SHANK2: variants seen among roughly 807,000 people sequenced by gnomAD.
The protein encoded by SHANK2 is SH3 and multiple ankyrin repeat domains protein 2.
Under a neutral mutation model 133.7 loss-of-function variants are expected in SHANK2, and 43 were observed. That is an observed-to-expected ratio of 0.32 (90% confidence interval 0.25 to 0.41). The LOEUF (loss-of-function observed/expected upper bound fraction) is 0.41, where lower values mean the gene tolerates loss of function less well. Ranked by LOEUF, SHANK2 falls within the 10% of genes least tolerant of loss-of-function variation. SHANK2 has a pLI of 1.00. For synonymous variants in SHANK2, 1,017 were observed against 952.8 expected (o/e 1.07, Z -1.24); for missense variants, 1,994 against 2,235.8 (o/e 0.89, Z 2.18).
chr11:71,126,386 A>T (rs1555102676), intron 3 of SHANK2, among the ~76,000 whole-genome samples: 1 of 152,172 alleles, frequency 6.6e-6, no homozygotes. Flanking sequence ...TCTTTTCCAA[A>T]TATTGCTGCT....
At chr11:70,900,541 C>T (rs1590812305) in intron 10 of SHANK2, among the ~76,000 whole-genome samples, 1 of 152,162 alleles carries the variant, frequency 6.6e-6, no homozygotes, top group Admixed American at 6.5e-5. Flanking sequence ...GCTGAAATAA[C>T]ACGTACGTGG....
At chr11:70,735,321 G>A (rs971851135) in intron 14 of SHANK2, among the ~76,000 whole-genome samples, 12 of 152,204 alleles carry the variant, frequency 7.9e-5, no homozygotes, top group Non-Finnish European at 1.3e-4. Flanking sequence ...CGGGGAGGAG[G>A]GATGTGCAGG....
chr11:70,629,600 C>T (rs2060954936), intron 17 of SHANK2, among the ~76,000 whole-genome samples: 1 of 152,110 alleles, frequency 6.6e-6, no homozygotes, highest in African/African-American at 2.4e-5. Flanking sequence ...CCCCTAAGGG[C>T]CTCCGAACTG....
At chr11:70,564,479 C>T (rs191576322) in intron 17 of SHANK2, among the ~76,000 whole-genome samples, 84 of 152,130 alleles carry the variant, frequency 5.5e-4, no homozygotes, top group African/African-American at 1.7e-3. Context: ...AGGCTGGTCT[C>T]GAACTCCTGA....
chr11:70,950,630 C>G (rs1555086343), intron 10 of SHANK2, among the ~76,000 whole-genome samples: 3 of 151,610 alleles, frequency 2.0e-5, no homozygotes, highest in African/African-American at 7.3e-5. Flanking sequence ...TTTTCTCAGA[C>G]AGGATCTCGC....
At chr11:71,081,420 A>G (rs1363933826) in intron 8 of SHANK2, among the ~76,000 whole-genome samples, 1 of 152,248 alleles carries the variant, frequency 6.6e-6, no homozygotes, top group African/African-American at 2.4e-5. Context: ...GATGACTGGC[A>G]TTCCCACATA....
intron 11 of SHANK2, among the ~76,000 whole-genome samples, chr11:70,821,836 C>T (rs1948530712): frequency 6.6e-6 from 1 of 152,174 alleles, no homozygotes; most frequent in Non-Finnish European, 1.5e-5. Context: ...TAAGAAGGTG[C>T]CTTCCTCCCT....
intron 3 of SHANK2, among the ~76,000 whole-genome samples, chr11:71,126,417 A>G (rs1555102693): frequency 2.0e-5 from 3 of 152,154 alleles, no homozygotes; most frequent in African/African-American, 7.2e-5. Flanking sequence ...GTACCTGGTC[A>G]CTCAAGAGTG....
At chr11:70,701,847 C>T (rs553154363) in intron 14 of SHANK2, among the ~76,000 whole-genome samples, 1 of 152,214 alleles carries the variant, frequency 6.6e-6, no homozygotes, top group South Asian at 2.1e-4. Context: ...GAAAGGGACC[C>T]TAAGGGACAA....
At chr11:70,489,724 C>T in intron 23 of SHANK2, 3 of 327,516 alleles carry the variant, frequency 9.2e-6, no homozygotes, top group Non-Finnish European at 1.7e-5. Flanking sequence ...GACCTTGTCT[C>T]AAGGTCAAGT....
chr11:70,795,563 G>A (rs10899530), intron 14 of SHANK2, among the ~76,000 whole-genome samples: 71,451 of 151,882 alleles, frequency 0.47, 19,659 homozygotes, highest in Non-Finnish European at 0.62. Context: ...ATGGCACCAT[G>A]TCCGGCTAAT....
Position 71,153,469 on chromosome 11 carries a change from T to C in SHANK2, c.-12-6131A>G, listed in dbSNP as rs117792096. 1.1e-3 allele frequency among the ~76,000 whole-genome samples: 169 copies of C among 152,286 alleles called. 2 individuals are homozygous for C. The East Asian group carries it at 0.026, about 24-fold the overall frequency. On this transcript the variant is annotated intron_variant, in intron 2 of 25. Coordinates refer to ENST00000601538, the MANE Select transcript of SHANK2 (RefSeq NM_012309.5). ...GCTGCTAACTTGCTCCAAGAAAACC[T>C]AAAATCTTCAACTGGCTCATTCGTC...
chr11:70,568,646 G>GGC (rs2059999450), intron 17 of SHANK2, among the ~76,000 whole-genome samples: 1 of 79,966 alleles, frequency 1.3e-5, no homozygotes, highest in Admixed American at 1.2e-4. Context: ...GCGGATTCCT[G>GGC]CCCCCCCCGC....
chr11:71,176,306 G>A (rs1027580614), intron 2 of SHANK2, among the ~76,000 whole-genome samples: 5 of 152,016 alleles, frequency 3.3e-5, no homozygotes, highest in Non-Finnish European at 7.4e-5. Context: ...GGTCCAACAA[G>A]ATTAAATTCA....
At position 70,569,772 on chromosome 11, in the gene SHANK2, TG is replaced by T. The variant is rs1422652482; in HGVS notation, c.2062-66842del. ...ACTGGGGAAGATGCTCTCCTGTCCC[TG>T]GGGGGCTGTGATGCTGGCAGATGTG... On this transcript the variant is annotated intron_variant, in intron 17 of 25. Transcript: ENST00000601538. This position sits in a 1 kb window ranked among gnomAD's most constrained non-coding sequence, Gnocchi z 5.1. 1.3e-5 allele frequency among the ~76,000 whole-genome samples: 2 copies of T among 151,782 alleles called. No individual in the cohort carries two copies. The highest frequency in any genetic ancestry group is 2.9e-5 in the Non-Finnish European group (2 of 67,946).
intron 2 of SHANK2, among the ~76,000 whole-genome samples, chr11:71,199,484 C>CG (rs1197748511): frequency 6.6e-6 from 1 of 152,242 alleles, no homozygotes; most frequent in Non-Finnish European, 1.5e-5. Flanking sequence ...GTTGCAGTCA[C>CG]GCCCCAGGAA....
At chr11:70,788,188 C>T (rs1947711095) in intron 14 of SHANK2, among the ~76,000 whole-genome samples, 1 of 152,106 alleles carries the variant, frequency 6.6e-6, no homozygotes, top group South Asian at 2.1e-4. Flanking sequence ...GACAGGTCCC[C>T]CACCAGGGCC....
intron 8 of SHANK2, among the ~76,000 whole-genome samples, chr11:71,086,257 GTT>G (rs1951412205): frequency 2.0e-5 from 1 of 51,200 alleles, no homozygotes; most frequent in African/African-American, 8.4e-5. Context: ...TGTTATATAT[GTT>G]ATATATTATA....
chr11:70,516,416 G>A (rs1218502328), intron 17 of SHANK2, among the ~76,000 whole-genome samples: 1 of 152,206 alleles, frequency 6.6e-6, no homozygotes, highest in Non-Finnish European at 1.5e-5. Flanking sequence ...ACATCCACAT[G>A]CAAAAATGAA....
Sources: allele counts gnomAD v4.1 joint callset (sites outside exome capture counted in the v4.1 genomes callset), GRCh38; gene constraint gnomAD v4.1.1; non-coding constraint Gnocchi (gnomAD v3.1); transcripts MANE v1.5; gene names NCBI Gene and HGNC (gene_info 2026-07-23, HGNC 2026-07-21).